DPPA2: variants seen among roughly 807,000 people sequenced by gnomAD.
The protein encoded by DPPA2 is developmental pluripotency associated 2.
A neutral mutation model predicts 36.2 loss-of-function variants in DPPA2; 26 were observed. The observed-to-expected ratio is 0.72, with a 90% CI of 0.53 to 1.00. DPPA2 has a LOEUF of 1.00. Among genes scored for constraint, DPPA2 ranks in the 50% least tolerant of loss-of-function variants. DPPA2 has a pLI of 0.00. For synonymous variants in DPPA2, 113 were observed against 123.2 expected, an observed-to-expected ratio of 0.92 and a Z score of 0.55; for missense variants, 361 against 365.1, an observed-to-expected ratio of 0.99 and a Z score of 0.09.
intron 8 of DPPA2, among the ~76,000 whole-genome samples, chr3:109,298,466 G>A (rs952354139): frequency 5.9e-5 from 9 of 151,892 alleles, no homozygotes; most frequent in Non-Finnish European, 1.3e-4. Context: ...TGTAATCCCA[G>A]CCCTTTGGGA....
At chr3:109,307,565 T>G (rs2107313945) in intron 6 of DPPA2, among the ~76,000 whole-genome samples, 1 of 139,164 alleles carries the variant, frequency 7.2e-6, no homozygotes, top group Non-Finnish European at 1.5e-5. Flanking sequence ...ATCGCGCCAT[T>G]GCACTCCAGC....
chr3:109,300,027 T>C (rs1017384224), intron 8 of DPPA2, among the ~76,000 whole-genome samples: 7 of 152,192 alleles, frequency 4.6e-5, no homozygotes, highest in Non-Finnish European at 7.3e-5. Flanking sequence ...GGGAACCCTA[T>C]ACTTTTCACT....
intron 2 of DPPA2, 66 bp from the exon 3 acceptor site, chr3:109,312,758 GCAAAAGT>G: frequency 6.4e-7 from 1 of 1,572,952 alleles, no homozygotes; most frequent in Non-Finnish European, 8.7e-7. Flanking sequence ...TGCTTTCAAG[GCAAAAGT>G]CATGAATAAG....
At chr3:109,310,038 T>C in intron 3 of DPPA2, among the ~76,000 whole-genome samples, 1 of 150,372 alleles carries the variant, frequency 6.7e-6, no homozygotes, top group East Asian at 2.0e-4. Flanking sequence ...GCCTGACCAA[T>C]ATGGAGGAAC....
intron 1 of DPPA2, among the ~76,000 whole-genome samples, chr3:109,314,782 G>T (rs1033336417): frequency 4.6e-5 from 7 of 152,030 alleles, no homozygotes; most frequent in Admixed American, 4.6e-4. Flanking sequence ...TAAAAATTAG[G>T]CTGGGTGCGA....
chr3:109,313,501 G>A (rs1215476452), intron 2 of DPPA2, among the ~76,000 whole-genome samples: 1 of 152,130 alleles, frequency 6.6e-6, no homozygotes, highest in African/African-American at 2.4e-5. Context: ...ACATTTACTG[G>A]TTCTCTACAG....
rs552547669 is a variant in DPPA2, at chr3:109,301,594, G to C, written c.855-1159C>G. 3.3e-5 allele frequency among the ~76,000 whole-genome samples: 5 copies of C among 152,118 alleles called. No individual in the cohort carries two copies. In the South Asian group the frequency reaches 1.0e-3, roughly 32 times the overall value. On this transcript the variant is annotated intron_variant, in intron 7 of 8. Transcript: ENST00000478945. ...TTGAACCTGGGAGGCAGAGGTTGCA[G>C]TGAGCAGAGATCATGCCACTATACT...
rs1398420676 is a variant in DPPA2, at chr3:109,316,414, T to C, written c.-144A>G. 1 of 152,446 alleles carries C rather than the reference T, an allele frequency of 6.6e-6. No homozygotes were observed. Among genetic ancestry groups the C allele is most frequent in the African/African-American group, 2.4e-5 (1 of 41,354 alleles). The allele number at this position is 152,446 out of a possible 1,614,324, so 9.4% of individuals were successfully genotyped here. On this transcript the variant is annotated 5_prime_UTR_variant, in exon 1 of 9. Transcript: ENST00000478945. ...GATCCTCCCTCCGCAGCCTTCGGAG[T>C]GGGTGGGACTACAGGCCTGCACCGC...
intron 7 of DPPA2, among the ~76,000 whole-genome samples, chr3:109,301,495 T>C (rs1434404968): frequency 2.6e-5 from 4 of 151,814 alleles, no homozygotes; most frequent in African/African-American, 7.2e-5. Context: ...CCACTAAAAA[T>C]ACAAAAATTA....
intron 7 of DPPA2, among the ~76,000 whole-genome samples, chr3:109,302,124 T>TA (rs1372849676): frequency 6.6e-6 from 1 of 152,220 alleles, no homozygotes; most frequent in Non-Finnish European, 1.5e-5. Flanking sequence ...CTTCCACTGA[T>TA]ACGCTGATTA....
intron 7 of DPPA2, among the ~76,000 whole-genome samples, chr3:109,303,620 C>T (rs967303092): frequency 6.6e-6 from 1 of 151,600 alleles, no homozygotes; most frequent in Non-Finnish European, 1.5e-5. Flanking sequence ...CCGCCCGCCT[C>T]GGCCTCCCAA....
intron 6 of DPPA2, 37 bp downstream of exon 6, chr3:109,307,995 C>G (rs1413864422): frequency 7.5e-6 from 12 of 1,600,144 alleles, no homozygotes; most frequent in Non-Finnish European, 9.4e-6. Flanking sequence ...TAACCTTGTC[C>G]TCTGGAGTGG....
Position 109,308,101 on chromosome 3 carries a change from C to G in DPPA2, c.589G>C (p.Val197Leu), listed in dbSNP as rs1707612477. The G allele has an allele frequency of 6.2e-7, 1 of 1,614,240 alleles. No homozygotes were observed. Among genetic ancestry groups the G allele is most frequent in the Non-Finnish European group, 8.5e-7 (1 of 1,180,052 alleles). ...ASWARIAARA[V>L]QPKALNSCSI... ...CATGAATTCAAAGCCTTAGGCTGAA[C>G]AGCTCTTGCAGCAATTCTTGCCCAT... The change falls in exon 6 of 9, where the codon GTT (valine) becomes CTT (leucine). Residue 197 changes from valine to leucine, a missense_variant. By Grantham distance (32) the Val-to-Leu change is conservative. Coordinates refer to ENST00000478945, the MANE Select transcript of DPPA2 (RefSeq NM_138815.4).
chr3:109,315,111 A>G (rs548414327), intron 1 of DPPA2, among the ~76,000 whole-genome samples: 1 of 152,346 alleles, frequency 6.6e-6, no homozygotes, highest in East Asian at 1.9e-4. Flanking sequence ...ACTTGAAAGA[A>G]AACTGAAAAT....
intron 2 of DPPA2, among the ~76,000 whole-genome samples, chr3:109,314,255 T>C (rs766846522): frequency 1.5e-4 from 23 of 152,192 alleles, no homozygotes; most frequent in Non-Finnish European, 2.9e-5. Flanking sequence ...TTCTCATCTT[T>C]CCTACCAAAG....
At chr3:109,303,478 T>C (rs537342915) in intron 7 of DPPA2, among the ~76,000 whole-genome samples, 34 of 152,158 alleles carry the variant, frequency 2.2e-4, no homozygotes, top group African/African-American at 8.2e-4. Flanking sequence ...TCAGCGATTC[T>C]TCTGCCTCAG....
At chr3:109,307,950 C>CT in intron 6 of DPPA2, 82 bp downstream of exon 6, 1 of 1,493,638 alleles carries the variant, frequency 6.7e-7, no homozygotes, top group East Asian at 2.3e-5. Flanking sequence ...AATGCCTTCC[C>CT]TTTGACCACG....
chr3:109,299,252 C>T (rs957223682), intron 8 of DPPA2, among the ~76,000 whole-genome samples: 17 of 151,974 alleles, frequency 1.1e-4, no homozygotes, highest in Non-Finnish European at 2.2e-4. Flanking sequence ...GTGGCTCCCG[C>T]CTGTAATCCC....
chr3:109,296,096 G>A (rs1051734481), intron 8 of DPPA2, among the ~76,000 whole-genome samples: 6 of 152,094 alleles, frequency 3.9e-5, no homozygotes, highest in African/African-American at 1.4e-4. Context: ...AATACCAGAA[G>A]AGAGAAAGGA....
Sources: allele counts gnomAD v4.1 joint callset (sites outside exome capture counted in the v4.1 genomes callset), GRCh38; gene constraint gnomAD v4.1.1; transcripts MANE v1.5; gene names NCBI Gene and HGNC (gene_info 2026-07-23, HGNC 2026-07-21).